Variants in ZFHX3 observed in about 807,000 individuals in gnomAD.
ZFHX3 encodes the protein zinc finger homeobox 3.
Under a neutral mutation model 279.1 loss-of-function variants are expected in ZFHX3, and 42 were observed. The observed-to-expected ratio is 0.15, with a 90% CI of 0.12 to 0.19. The LOEUF is 0.19. Ranked by LOEUF, ZFHX3 falls within the 10% of genes least tolerant of loss-of-function variation. ZFHX3 has a pLI of 1.00. For synonymous variants in ZFHX3, 2,293 were observed against 1,957.8 expected, an observed-to-expected ratio of 1.17 and a Z score of -4.52; for missense variants, 4,981 against 4,754.0, an observed-to-expected ratio of 1.05 and a Z score of -1.40.
intron 6 of ZFHX3, chr16:73,143,641 C>CTGT: frequency 2.8e-6 from 2 of 703,212 alleles, no homozygotes; most frequent in Non-Finnish European, 4.5e-6. Flanking sequence ...TTCCTTTGAA[C>CTGT]TGTTTGGTTT....
chr16:73,685,885 T>C (rs1281166945), intron 1 of ZFHX3, among the ~76,000 whole-genome samples: 1 of 152,162 alleles, frequency 6.6e-6, no homozygotes, highest in African/African-American at 2.4e-5. Context: ...TCTGGCTTAA[T>C]GTGAGAATAA....
At chr16:73,749,972 C>G (rs1730919656) in intron 1 of ZFHX3, among the ~76,000 whole-genome samples, 1 of 152,340 alleles carries the variant, frequency 6.6e-6, no homozygotes, top group African/African-American at 2.4e-5. Context: ...GAGCAGTAAA[C>G]AGGCTAGTGC....
chr16:73,240,858 A>G (rs2013100718), intron 5 of ZFHX3, among the ~76,000 whole-genome samples: 1 of 152,260 alleles, frequency 6.6e-6, no homozygotes, highest in African/African-American at 2.4e-5. Context: ...ATTTCCAAAT[A>G]GAGAAAAGGA....
rs1403776088 is a variant in ZFHX3 at position 73,324,585 on chromosome 16, G to C, written c.-1290-6249C>G. ...ACAAGAAGAGAATGCAATGATGAAA[G>C]TGGGTTAAGAAAGCTGTCCTGGGGA... is the stretch of plus-strand genomic sequence containing the variant. On this transcript the variant is annotated intron_variant, in intron 3 of 17. Coordinates refer to the ZFHX3 transcript ENST00000641206. 2.0e-5 allele frequency among the ~76,000 whole-genome samples: 3 copies of C among 152,226 alleles called. No individual in the cohort carries two copies. The East Asian group carries it at 5.8e-4, about 29-fold the overall frequency.
At chr16:73,757,022 C>T (rs1319832817) in intron 1 of ZFHX3, among the ~76,000 whole-genome samples, 1 of 151,972 alleles carries the variant, frequency 6.6e-6, no homozygotes, top group Non-Finnish European at 1.5e-5. Flanking sequence ...CAGGTGTTAC[C>T]CATTAGTCAC....
At chr16:73,604,040 A>G (rs1006776378) in intron 2 of ZFHX3, among the ~76,000 whole-genome samples, 1 of 152,118 alleles carries the variant, frequency 6.6e-6, no homozygotes, top group Non-Finnish European at 1.5e-5. Flanking sequence ...AGCCTCCCAC[A>G]GTGCTGATTA....
At position 73,608,324 on chromosome 16, in the gene ZFHX3, T is replaced by C. The variant is rs553920928; in HGVS notation, c.-1547+71856A>G. 7.9e-5 allele frequency among the ~76,000 whole-genome samples: 12 copies of C among 152,286 alleles called. No homozygotes were observed. In the East Asian group the frequency reaches 2.1e-3, roughly 27 times the overall value. ...GATAAGTGCTCAGAGCGTCCCACCATGGCAAGACAGTGTACATAAGAGATT... is the reference window on the plus strand; with the variant it reads ...GATAAGTGCTCAGAGCGTCCCACCACGGCAAGACAGTGTACATAAGAGATT... On this transcript the variant is annotated intron_variant, in intron 2 of 17. Coordinates refer to the ZFHX3 transcript ENST00000641206.
rs371326196 is a variant in ZFHX3, at chr16:72,796,224, G to C, written c.6458C>G (p.Thr2153Arg). ...CCGCAAGACTCGGAGCTGATCATCT[G>C]TGATCCTGGTGCGAGGCCTCTTGTT... The part of the protein sequence containing the change: ...QQNKRPRTRI[T>R]DDQLRVLRQY... The change falls in exon 9 of 10, where the codon ACA becomes AGA. Residue 2153 changes from threonine (T) to arginine (R), a missense_variant. This residue lies in a region of ZFHX3 where 177 missense variants were observed against 244.2 expected (regional missense o/e 0.72). Coordinates refer to ENST00000268489, the MANE Select transcript of ZFHX3 (RefSeq NM_006885.4). The C allele has an allele frequency of 3.2e-5, 52 of 1,614,024 alleles. No individual in the cohort carries two copies. Among genetic ancestry groups the C allele is most frequent in the Non-Finnish European group, 4.1e-5 (48 of 1,180,050 alleles).
At chr16:73,297,006 T>C (rs969900494) in intron 4 of ZFHX3, among the ~76,000 whole-genome samples, 3 of 151,220 alleles carry the variant, frequency 2.0e-5, no homozygotes, top group Non-Finnish European at 4.4e-5. Flanking sequence ...GCCTCCCTAG[T>C]AGCTGGGACT....
At chr16:72,893,620 C>T (rs2038824392) in intron 3 of ZFHX3, among the ~76,000 whole-genome samples, 1 of 152,216 alleles carries the variant, frequency 6.6e-6, no homozygotes, top group East Asian at 1.9e-4. Context: ...CAATCTCTTA[C>T]ACTGCCATGA....
intron 1 of ZFHX3, among the ~76,000 whole-genome samples, chr16:73,695,119 C>T (rs1349535726): frequency 6.6e-6 from 1 of 152,236 alleles, no homozygotes; most frequent in Non-Finnish European, 1.5e-5. Flanking sequence ...TCCTCCTATA[C>T]CCCGATGGGG....
chr16:73,676,070 A>G (rs748671600), intron 2 of ZFHX3, among the ~76,000 whole-genome samples: 10 of 152,112 alleles, frequency 6.6e-5, no homozygotes, highest in Non-Finnish European at 1.0e-4. Context: ...AGATTTAAAA[A>G]TAACTAAGAA....
At chr16:73,191,328 C>T (rs374945938) in intron 5 of ZFHX3, among the ~76,000 whole-genome samples, 76 of 152,212 alleles carry the variant, frequency 5.0e-4, no homozygotes, top group African/African-American at 1.7e-3. Flanking sequence ...CAGGTCTGTT[C>T]GCTGGGCAAG....
Position 73,105,588 on chromosome 16 carries a change from A to G in ZFHX3, c.-896-11990T>C, listed in dbSNP as rs371734016. ...GCCAACATGGCAAAACCCCATCTCT[A>G]CTAAAAGCACAAAAATCAGCTGGGC... is the stretch of plus-strand genomic sequence containing the variant. On this transcript the variant is annotated intron_variant, in intron 7 of 17. Transcript: ENST00000641206. 2.5e-4 allele frequency among the ~76,000 whole-genome samples: 38 copies of G among 151,614 alleles called. 1 individual carries two copies. The highest frequency in any genetic ancestry group is 1.6e-3 in the Admixed American group (24 of 15,208).
chr16:73,141,120 AT>A (rs1313305835), intron 6 of ZFHX3, among the ~76,000 whole-genome samples: 2 of 152,206 alleles, frequency 1.3e-5, no homozygotes, highest in Non-Finnish European at 2.9e-5. Flanking sequence ...CTGATTCAAT[AT>A]AATACCACGC....
chr16:73,157,162 G>C (rs749881379), intron 5 of ZFHX3, among the ~76,000 whole-genome samples: 2 of 152,152 alleles, frequency 1.3e-5, no homozygotes, highest in Non-Finnish European at 2.9e-5. Context: ...GTGGTCATTT[G>C]AAGGCCCCAA....
chr16:73,791,720 G>A (rs1222486920), intron 1 of ZFHX3, among the ~76,000 whole-genome samples: 2 of 152,230 alleles, frequency 1.3e-5, no homozygotes, highest in Non-Finnish European at 2.9e-5. Context: ...ACCGCACCCA[G>A]CCTAGAATTT....
intron 2 of ZFHX3, among the ~76,000 whole-genome samples, chr16:73,641,852 C>G (rs2142156714): frequency 6.6e-6 from 1 of 152,218 alleles, no homozygotes; most frequent in Middle Eastern, 3.4e-3. Context: ...GCCTGCATTA[C>G]TTTACAAAAA....
chr16:73,037,952 G>GGGAAGCTGT (rs1964971799), intron 1 of ZFHX3, among the ~76,000 whole-genome samples: 2 of 152,168 alleles, frequency 1.3e-5, no homozygotes. Context: ...ACGGTTATCT[G>GGGAAGCTGT]GGAAGCTGCA....
Sources: gnomAD v4.1 joint callset for allele counts (sites outside exome capture counted in the v4.1 genomes callset) on GRCh38, gnomAD v4.1.1 for gene constraint, gnomAD v4.1.1 regional missense constraint, MANE v1.5 for transcripts, NCBI Gene and HGNC (gene_info 2026-07-23, HGNC 2026-07-21) for gene names.